SNRNP70: variants seen among roughly 807,000 people sequenced by gnomAD.
SNRNP70 encodes small nuclear ribonucleoprotein U1 subunit 70.
Under a neutral mutation model 50.5 loss-of-function variants are expected in SNRNP70, and 8 were observed. The observed-to-expected ratio is 0.16, with a 90% CI of 0.09 to 0.29. The LOEUF is 0.29. Ranked by LOEUF, SNRNP70 falls within the 10% of genes least tolerant of loss-of-function variation. The probability of loss-of-function intolerance (pLI) is 1.00; values close to 1 mark genes in which losing one functional copy is unlikely to be tolerated. For missense variants in SNRNP70, 529 were observed against 663.5 expected (o/e 0.80, Z 2.23); for synonymous variants, 320 against 252.9 (o/e 1.27, Z -2.52).
intron 1 of SNRNP70, among the ~76,000 whole-genome samples, chr19:49,086,132 C>T (rs1043921207): frequency 2.0e-5 from 3 of 152,184 alleles, no homozygotes; most frequent in Admixed American, 6.5e-5. Context: ...GGAACCTCTC[C>T]GCCCCACAGC....
intron 4 of SNRNP70, among the ~76,000 whole-genome samples, chr19:49,093,117 T>TG (rs2040468696): frequency 6.6e-6 from 1 of 151,528 alleles, no homozygotes; most frequent in Non-Finnish European, 1.5e-5. Flanking sequence ...GTTTTTTAGA[T>TG]GGAGTTTTGC....
In SNRNP70 at chr19:49,104,748, T is replaced by G; in HGVS notation, c.577+13T>G. The stretch of plus-strand genomic sequence containing the variant: ...CCCCGGCGGCTAGGTGAGCACATCC[T>G]GCCTTCGACGGGCTCTCGGGGGCCC... On this transcript the variant is annotated intron_variant, in intron 8 of 9. Transcript: ENST00000598441. The surrounding 1 kb of genome is among the most constrained non-coding windows in gnomAD (Gnocchi z 5.4). 1.3e-6 allele frequency: 2 copies of G among 1,520,604 alleles called. No individual in the cohort carries two copies. The highest frequency in any genetic ancestry group is 1.8e-6 in the Non-Finnish European group (2 of 1,128,382). The allele number at this position is 1,520,604 out of a possible 1,614,324, so 94.2% of individuals were successfully genotyped here. A position where few individuals can be genotyped will look rare whatever the true frequency, so the allele number is the denominator to read the frequency against.
At chr19:49,088,799 A>G (rs944598274) in intron 2 of SNRNP70, among the ~76,000 whole-genome samples, 1 of 152,090 alleles carries the variant, frequency 6.6e-6, no homozygotes, top group African/African-American at 2.4e-5. Context: ...CCTACCAGCC[A>G]GTTCCTATTT....
At chr19:49,096,808 T>C (rs367867539) in intron 4 of SNRNP70, among the ~76,000 whole-genome samples, 3 of 151,880 alleles carry the variant, frequency 2.0e-5, no homozygotes, top group South Asian at 4.2e-4. Context: ...TTGACCTTAG[T>C]TTATACTTGT....
rs1437347439 is a variant in SNRNP70 at position 49,104,136 on chromosome 19, C to G, written c.476-498C>G. ...TGTCTGTTCCCCCCACACTCACCCC[C>G]CTCCAAAAAAAACAAAAACAGAAAA... On this transcript the variant is annotated intron_variant, in intron 7 of 9. Coordinates refer to ENST00000598441, the MANE Select transcript of SNRNP70 (RefSeq NM_003089.6). The surrounding 1 kb of genome is among the most constrained non-coding windows in gnomAD (Gnocchi z 5.4). 6.5e-6 allele frequency: 1 copy of G among 153,354 alleles called. No homozygotes were observed. 9.5% of individuals were successfully genotyped at this position (153,354 alleles called of 1,614,324 possible). A position where few individuals can be genotyped will look rare whatever the true frequency, so the allele number is the denominator to read the frequency against.
chr19:49,102,426 G>A (rs930023983), intron 7 of SNRNP70: 17 of 283,354 alleles, frequency 6.0e-5, no homozygotes, highest in South Asian at 3.4e-4. Context: ...CGGCCTCTCC[G>A]CTTGGGTTCC....
intron 4 of SNRNP70, among the ~76,000 whole-genome samples, chr19:49,091,556 G>A (rs779871823): frequency 6.6e-6 from 1 of 152,128 alleles, no homozygotes; most frequent in African/African-American, 2.4e-5. Context: ...GTCTAGGCTC[G>A]TGGAAGTGCC....
At chr19:49,095,389 C>T (rs990355184) in intron 4 of SNRNP70, among the ~76,000 whole-genome samples, 3 of 152,214 alleles carry the variant, frequency 2.0e-5, no homozygotes, top group South Asian at 4.1e-4. Flanking sequence ...GCTTTCAGCT[C>T]TTCATTAAAT....
chr19:49,094,492 C>A (rs1169502852), intron 4 of SNRNP70, among the ~76,000 whole-genome samples: 1 of 152,010 alleles, frequency 6.6e-6, no homozygotes, highest in Non-Finnish European at 1.5e-5. Context: ...GAGCAAGACT[C>A]CGTCTCAAAA....
intron 4 of SNRNP70, among the ~76,000 whole-genome samples, chr19:49,096,127 G>A (rs1253353463): frequency 1.3e-5 from 2 of 150,530 alleles, no homozygotes; most frequent in Admixed American, 6.6e-5. Context: ...GTATGATCTC[G>A]GCTCACTGCA....
intron 6 of SNRNP70, among the ~76,000 whole-genome samples, chr19:49,100,710 G>A (rs2040571911): frequency 3.3e-5 from 5 of 151,658 alleles, no homozygotes. Context: ...GGAGGCTGAG[G>A]CAGGAGAATC....
intron 2 of SNRNP70, 72 bp from the exon 3 acceptor site, chr19:49,090,219 A>G: frequency 7.3e-7 from 1 of 1,371,338 alleles, no homozygotes; most frequent in East Asian, 2.3e-5. Flanking sequence ...TAACCTGTTT[A>G]TTTCCTTGGT....
intron 4 of SNRNP70, among the ~76,000 whole-genome samples, chr19:49,093,148 T>C (rs1346848501): frequency 6.6e-6 from 1 of 151,790 alleles, no homozygotes; most frequent in East Asian, 2.0e-4. Context: ...CAGGCTGGAG[T>C]GTAGTGGTAC....
rs1488126340 is a variant in SNRNP70, at chr19:49,108,464, G to C, written c.*21G>C. The C allele has an allele frequency of 1.9e-6, 3 of 1,574,218 alleles. No homozygotes were observed. The South Asian group carries it at 3.5e-5, about 18-fold the overall frequency. On this transcript the variant is annotated 3_prime_UTR_variant, in exon 10 of 10. Transcript: ENST00000598441. The stretch of plus-strand genomic sequence containing the variant: ...AGTGAAGAGGTCGTCCTCTCCATCT[G>C]CTGTGTTTGGACGCGTTCCTGCCCA...
Position 49,085,495 on chromosome 19 carries a change from G to A in SNRNP70, c.-152G>A, listed in dbSNP as rs1054068828. 8.8e-6 allele frequency: 4 copies of A among 453,408 alleles called. No homozygotes were observed. The highest frequency in any genetic ancestry group is 1.4e-4 in the East Asian group (2 of 14,312). The allele number at this position is 453,408 out of a possible 1,614,324, so 28.1% of individuals were successfully genotyped here. ...GCGGGTGGCTGAGCAGCGGCCTGGTGCGCTCGCTTAGCGGGCGACGGAATC... is the reference window on the plus strand; with the variant it reads ...GCGGGTGGCTGAGCAGCGGCCTGGTACGCTCGCTTAGCGGGCGACGGAATC... On this transcript the variant is annotated 5_prime_UTR_variant, in exon 1 of 10. Transcript: ENST00000598441.
intron 4 of SNRNP70, among the ~76,000 whole-genome samples, chr19:49,096,117 G>A (rs1555737353): frequency 6.6e-6 from 1 of 151,492 alleles, no homozygotes; most frequent in Non-Finnish European, 1.5e-5. Flanking sequence ...GAGTTCAGTG[G>A]TATGATCTCG....
Position 49,091,776 on chromosome 19 carries a change from G to A in SNRNP70, c.265+1256G>A, listed in dbSNP as rs532873002. Among the ~76,000 whole-genome samples, 7 of 152,262 alleles carry A rather than the reference G, an allele frequency of 4.6e-5. No individual in the cohort carries two copies. The East Asian group carries it at 9.6e-4, about 21-fold the overall frequency. On this transcript the variant is annotated intron_variant, in intron 4 of 9. Transcript: ENST00000598441. ...CTCTTTGGACATTGGCTGTCGGAAC[G>A]CTGTCTTGATGTCCTGCCTCAGAGG...
intron 1 of SNRNP70, among the ~76,000 whole-genome samples, 175 bp from the exon 2 acceptor site, chr19:49,086,230 C>T (rs952365139): frequency 1.3e-5 from 2 of 152,184 alleles, no homozygotes. Context: ...TCACCTCCAC[C>T]CCCACCAAGA....
chr19:49,102,358 C>T, intron 7 of SNRNP70: 2 of 333,916 alleles, frequency 6.0e-6, no homozygotes, highest in Non-Finnish European at 1.2e-5. Context: ...GATCCGTATG[C>T]TCTCTGAGAA....
Sources: gnomAD v4.1 joint callset for allele counts (sites outside exome capture counted in the v4.1 genomes callset) on GRCh38, gnomAD v4.1.1 for gene constraint, Gnocchi (gnomAD v3.1) non-coding constraint, MANE v1.5 for transcripts, NCBI Gene and HGNC (gene_info 2026-07-23, HGNC 2026-07-21) for gene names.